Variants in ERCC3 observed in about 807,000 individuals in gnomAD.
ERCC3 encodes the protein ERCC excision repair 3, TFIIH core complex helicase subunit.
Under a neutral mutation model 94.2 loss-of-function variants are expected in ERCC3, and 66 were observed. That is an observed-to-expected ratio of 0.70 (90% CI 0.57 to 0.86). The LOEUF is 0.86. Among genes scored for constraint, ERCC3 ranks in the 40% least tolerant of loss-of-function variants. The pLI is 0.00. For synonymous variants in ERCC3, 349 were observed against 369.1 expected (o/e 0.95, Z 0.63); for missense variants, 829 against 987.1 (o/e 0.84, Z 2.15).
In ERCC3 at chr2:127,290,422, C is replaced by A. The variant is rs112272587; in HGVS notation, c.472-149G>T. ...TGCAATCCTAAAGTGGTCAGATGTGCCTAAACTGAGCTTTTTCCATTGGCC... is the reference window on the plus strand; with the variant it reads ...TGCAATCCTAAAGTGGTCAGATGTGACTAAACTGAGCTTTTTCCATTGGCC... On this transcript the variant is annotated intron_variant, in intron 3 of 14. Transcript: ENST00000285398. 1.7e-5 allele frequency: 12 copies of A among 721,368 alleles called. No individual in the cohort carries two copies. The African/African-American group carries it at 1.7e-4, about 10-fold the overall frequency. 44.7% of individuals were successfully genotyped at this position (721,368 alleles called of 1,614,324 possible). A position where few individuals can be genotyped will look rare whatever the true frequency, so the allele number is the denominator to read the frequency against.
In ERCC3 at chr2:127,271,833, C is replaced by A. The variant is rs145984288; in HGVS notation, c.1828-380G>T. On this transcript the variant is annotated intron_variant, in intron 11 of 14. Transcript: ENST00000285398. This position sits in a 1 kb window ranked among gnomAD's most constrained non-coding sequence, Gnocchi z 5.0. Reference sequence around the variant, plus strand: ...CATCCATACTCTTACCTGTTGGCCACTGACACCAGCAGCACACGTGGGATG... The same window carrying A: ...CATCCATACTCTTACCTGTTGGCCAATGACACCAGCAGCACACGTGGGATG... 6.6e-6 allele frequency among the ~76,000 whole-genome samples: 1 copy of A among 152,088 alleles called. No homozygotes were observed. Among genetic ancestry groups the A allele is most frequent in the African/African-American group, 2.4e-5 (1 of 41,412 alleles).
chr2:127,279,116 A>G lies in ERCC3; in HGVS notation c.1730+57T>C. The stretch of plus-strand genomic sequence containing the variant: ...AAACAAAACAACAGCCACCTTCTGC[A>G]CTCTCAATGGGGAAGAGAAACTGGC... On this transcript the variant is annotated intron_variant, in intron 10 of 14. Coordinates refer to ENST00000285398, the MANE Select transcript of ERCC3 (RefSeq NM_000122.2). The surrounding 1 kb of genome is among the most constrained non-coding windows in gnomAD (Gnocchi z 4.7). 1 of 1,165,404 alleles carries G rather than the reference A, an allele frequency of 8.6e-7. No homozygotes were observed. Among genetic ancestry groups the G allele is most frequent in the Non-Finnish European group, 1.3e-6 (1 of 774,556 alleles). 72.2% of individuals were successfully genotyped at this position (1,165,404 alleles called of 1,614,324 possible).
rs1685352854 is a variant in ERCC3, at chr2:127,293,564, G to A, written c.183C>T (p.Tyr61=). 6.2e-7 allele frequency: 1 copy of A among 1,614,248 alleles called. No individual in the cohort carries two copies. Among genetic ancestry groups the A allele is most frequent in the Non-Finnish European group, 8.5e-7 (1 of 1,180,042 alleles). The change falls in exon 2 of 15, where the codon TAC becomes TAT. Residue 61 remains tyrosine (Y), a synonymous_variant. Transcript: ENST00000285398. The part of the protein sequence containing the change: ...TKVDEYGAKD[Y]RLQMPLKDDH... Reference sequence around the variant, plus strand: ...CGTCCTTCAGCGGCATTTGCAGCCTGTAGTCCTTGGCTCCATATTCATCCA... The same window carrying A: ...CGTCCTTCAGCGGCATTTGCAGCCTATAGTCCTTGGCTCCATATTCATCCA...
At position 127,288,714 on chromosome 2, in the gene ERCC3, G is replaced by T; in HGVS notation, c.973C>A (p.Arg325=). 1 of 1,614,042 alleles carries T rather than the reference G, an allele frequency of 6.2e-7. No homozygotes were observed. The highest frequency in any genetic ancestry group is 8.5e-7 in the Non-Finnish European group (1 of 1,179,994). Residue 325 remains arginine, a synonymous_variant, in exon 7 of 15, where the codon CGA becomes AGA. Coordinates refer to ENST00000285398, the MANE Select transcript of ERCC3 (RefSeq NM_000122.2). ...VLRPYQEKSL[R]KMFGNGRARS... Reference sequence around the variant, plus strand: ...GCACGCCCGTTTCCAAACATCTTTCGCAAGCTCTTCTCCTGATAGGGTCTG... The same window carrying T: ...GCACGCCCGTTTCCAAACATCTTTCTCAAGCTCTTCTCCTGATAGGGTCTG...
rs1347152853 is a variant in ERCC3, at chr2:127,273,809, A to G, written c.1731-848T>C. 3.3e-5 allele frequency among the ~76,000 whole-genome samples: 5 copies of G among 150,878 alleles called. No homozygotes were observed. The East Asian group carries it at 9.7e-4, about 29-fold the overall frequency. On this transcript the variant is annotated intron_variant, in intron 10 of 14. Transcript: ENST00000285398. The stretch of plus-strand genomic sequence containing the variant: ...GCTCCCTGCCAAAGGGTACAACCCT[A>G]TCAATGAACTCAATGGTTATCATCC...
At chr2:127,275,119 A>C (rs1434889377) in intron 10 of ERCC3, among the ~76,000 whole-genome samples, 1 of 152,202 alleles carries the variant, frequency 6.6e-6, no homozygotes, top group Non-Finnish European at 1.5e-5. Context: ...CTTTCTTATG[A>C]AGGCTGGGAG....
chr2:127,260,903 C>A (rs1402537755), intron 13 of ERCC3: 1 of 372,752 alleles, frequency 2.7e-6, no homozygotes, highest in East Asian at 5.6e-5. Flanking sequence ...CTGAGGCAAA[C>A]TAAGGCCTGG....
At position 127,292,503 on chromosome 2, in the gene ERCC3, C is replaced by T. The variant is rs558697114; in HGVS notation, c.471+107G>A. 88 of 822,164 alleles carry T rather than the reference C, an allele frequency of 1.1e-4. No homozygotes were observed. In the East Asian group the frequency reaches 2.0e-3, roughly 19 times the overall value. 50.9% of individuals were successfully genotyped at this position (822,164 alleles called of 1,614,324 possible). ...AGTCGTTATGCTCCCCACAGGAAATCTGAATGGCACATTCTCATGGCTGCC... is the reference window on the plus strand; with the variant it reads ...AGTCGTTATGCTCCCCACAGGAAATTTGAATGGCACATTCTCATGGCTGCC... On this transcript the variant is annotated intron_variant, in intron 3 of 14. Coordinates refer to ENST00000285398, the MANE Select transcript of ERCC3 (RefSeq NM_000122.2).
chr2:127,292,980 C>A, intron 2 of ERCC3, 134 bp from the exon 3 acceptor site: 1 of 700,346 alleles, frequency 1.4e-6, no homozygotes, highest in South Asian at 1.5e-5. Flanking sequence ...CTCCTTCAGA[C>A]AACTGTGGGG....
rs566617959 is a variant in ERCC3, at chr2:127,291,579, C to T, written c.471+1031G>A. ...CCTGGCCGGGCACGCTTTCACATCA[C>T]AGGAAAAGAGAGTTCTCTCCAGGAC... On this transcript the variant is annotated intron_variant, in intron 3 of 14. Coordinates refer to ENST00000285398, the MANE Select transcript of ERCC3 (RefSeq NM_000122.2). The surrounding 1 kb of genome is among the most constrained non-coding windows in gnomAD (Gnocchi z 4.9). 6.6e-6 allele frequency among the ~76,000 whole-genome samples: 1 copy of T among 152,280 alleles called. No individual in the cohort carries two copies. Among genetic ancestry groups the T allele is most frequent in the African/African-American group, 2.4e-5 (1 of 41,566 alleles).
At chr2:127,275,155 C>T (rs1325755320) in intron 10 of ERCC3, among the ~76,000 whole-genome samples, 1 of 152,120 alleles carries the variant, frequency 6.6e-6, no homozygotes, top group Non-Finnish European at 1.5e-5. Flanking sequence ...AGAATCCCCA[C>T]CACACACGAG....
At position 127,277,150 on chromosome 2, in the gene ERCC3, C is replaced by G. The variant is rs1051067393; in HGVS notation, c.1730+2023G>C. 6.6e-6 allele frequency among the ~76,000 whole-genome samples: 1 copy of G among 152,172 alleles called. No homozygotes were observed. Among genetic ancestry groups the G allele is most frequent in the South Asian group, 2.1e-4 (1 of 4,814 alleles). On this transcript the variant is annotated intron_variant, in intron 10 of 14. Transcript: ENST00000285398. The surrounding 1 kb of genome is among the most constrained non-coding windows in gnomAD (Gnocchi z 5.1). ...TCATGGGGTAGTGTCCAAGGGAAAC[C>G]CCATGGTAACAGCTGGTGGTGTCTC...
intron 7 of ERCC3, among the ~76,000 whole-genome samples, chr2:127,287,574 T>C (rs1685120981): frequency 6.6e-6 from 1 of 152,064 alleles, no homozygotes. Flanking sequence ...GCGGAGGTTG[T>C]GGTGAGCCAA....
In ERCC3 at chr2:127,286,809, C is replaced by CATGGAGTAGGTGCTA. The variant is rs1249227759; in HGVS notation, c.1221_1235dup (p.Ile407_Ser411dup). 1 of 1,614,160 alleles carries CATGGAGTAGGTGCTA rather than the reference C, an allele frequency of 6.2e-7. No homozygotes were observed. The highest frequency in any genetic ancestry group is 1.3e-5 in the African/African-American group (1 of 75,018). ...AGGACCTTTTGGTGGTGTGGCCCAG[C>CATGGAGTAGGTGCTA]ATGGAGTAGGTGCTAATGGCAACGG... On this transcript the variant is annotated inframe_insertion, in exon 8 of 15. Transcript: ENST00000285398.
In ERCC3 at chr2:127,264,509, T is replaced by C. The variant is rs544906307; in HGVS notation, c.1946-3163A>G. ...TTTTCTGTGTCTATTAGGATAATTA[T>C]ATGCTTTTCATTTTTAATTATGTGG... is the stretch of plus-strand genomic sequence containing the variant. On this transcript the variant is annotated intron_variant, in intron 12 of 14. Coordinates refer to ENST00000285398, the MANE Select transcript of ERCC3 (RefSeq NM_000122.2). This position sits in a 1 kb window ranked among gnomAD's most constrained non-coding sequence, Gnocchi z 4.4. Among the ~76,000 whole-genome samples the C allele has an allele frequency of 1.7e-3, 258 of 152,364 alleles. No homozygotes were observed. Among genetic ancestry groups the C allele is most frequent in the African/African-American group, 5.9e-3 (245 of 41,594 alleles).
At position 127,271,161 on chromosome 2, in the gene ERCC3, A is replaced by C. The variant is rs1206080508; in HGVS notation, c.1945+175T>G. ...GGAAAACACCTGCATATTCACCCCC[A>C]AGGTATGAGAAATAATGATGGGCCA... is the stretch of plus-strand genomic sequence containing the variant. On this transcript the variant is annotated intron_variant, in intron 12 of 14. Coordinates refer to ENST00000285398, the MANE Select transcript of ERCC3 (RefSeq NM_000122.2). This position sits in a 1 kb window ranked among gnomAD's most constrained non-coding sequence, Gnocchi z 5.0. Among the ~76,000 whole-genome samples, 1 of 152,094 alleles carries C rather than the reference A, an allele frequency of 6.6e-6. No individual in the cohort carries two copies. The highest frequency in any genetic ancestry group is 1.9e-4 in the East Asian group (1 of 5,182).
chr2:127,271,933 T>C lies in ERCC3; in HGVS notation c.1828-480A>G, dbSNP rs1381748088. ...TTCCTCAGCTCTGGGGCTCCAAACATCGAGGTTCCCAGCCACAGACATGAA... is the reference window on the plus strand; with the variant it reads ...TTCCTCAGCTCTGGGGCTCCAAACACCGAGGTTCCCAGCCACAGACATGAA... On this transcript the variant is annotated intron_variant, in intron 11 of 14. Transcript: ENST00000285398. The surrounding 1 kb of genome is among the most constrained non-coding windows in gnomAD (Gnocchi z 5.0). Among the ~76,000 whole-genome samples the C allele has an allele frequency of 6.7e-6, 1 of 149,750 alleles. No homozygotes were observed. The highest frequency in any genetic ancestry group is 2.0e-4 in the East Asian group (1 of 5,066).
rs1684043972 is a variant in ERCC3, at chr2:127,257,408, T to A, written c.*188A>T. 1 of 723,450 alleles carries A rather than the reference T, an allele frequency of 1.4e-6. No homozygotes were observed. Among genetic ancestry groups the A allele is most frequent in the African/African-American group, 1.8e-5 (1 of 56,872 alleles). 44.8% of individuals were successfully genotyped at this position (723,450 alleles called of 1,614,324 possible). On this transcript the variant is annotated 3_prime_UTR_variant, in exon 15 of 15. Transcript: ENST00000285398. This position sits in a 1 kb window ranked among gnomAD's most constrained non-coding sequence, Gnocchi z 5.4. The stretch of plus-strand genomic sequence containing the variant: ...CCAAAAAGTTTGAAAAAATATTGTC[T>A]CCTCCTCCTTTATAAAACCCTAGAT...
rs1684861988 is a variant in ERCC3, at chr2:127,280,092, G to A, written c.1527+355C>T. 6.6e-6 allele frequency among the ~76,000 whole-genome samples: 1 copy of A among 152,184 alleles called. No homozygotes were observed. Among genetic ancestry groups the A allele is most frequent in the South Asian group, 2.1e-4 (1 of 4,834 alleles). ...CAGTTAGGCGCTTGGGGCTATCAGAGCAAAGCCCTTTGCTGCCAGGCTCCC... is the reference window on the plus strand; with the variant it reads ...CAGTTAGGCGCTTGGGGCTATCAGAACAAAGCCCTTTGCTGCCAGGCTCCC... On this transcript the variant is annotated intron_variant, in intron 9 of 14. Transcript: ENST00000285398. This position sits in a 1 kb window ranked among gnomAD's most constrained non-coding sequence, Gnocchi z 6.3.
Sources: allele counts gnomAD v4.1 joint callset (sites outside exome capture counted in the v4.1 genomes callset), GRCh38; gene constraint gnomAD v4.1.1; non-coding constraint Gnocchi (gnomAD v3.1); transcripts MANE v1.5; gene names NCBI Gene and HGNC (gene_info 2026-07-23, HGNC 2026-07-21).